The following NOD2 variants were observed in gnomAD, a reference collection of about 807,000 sequenced individuals.
NOD2 encodes nucleotide binding oligomerization domain containing 2, also known as nucleotide-binding oligomerization domain-containing protein 2.
NOD2 carries 86 observed loss-of-function variants against 90.9 expected under a neutral mutation model. The observed-to-expected ratio is 0.95, with a 90% CI of 0.79 to 1.13. The LOEUF (loss-of-function observed/expected upper bound fraction) is 1.13. NOD2 is among the 50% of genes most tolerant of loss of function. The pLI, the probability that NOD2 is intolerant of heterozygous loss-of-function variation, is 0.00. For missense variants in NOD2, 1,238 were observed against 1,283.8 expected (o/e 0.96, Z 0.55); for synonymous variants, 581 against 554.6 (o/e 1.05, Z -0.67).
chr16:50,723,040 G>T (rs1424585962), intron 8 of NOD2, among the ~76,000 whole-genome samples: 11 of 148,582 alleles, frequency 7.4e-5, no homozygotes, highest in Non-Finnish European at 1.5e-4. Context: ...CTGCACCTGG[G>T]CTTAAAGAAG....
At chr16:50,721,660 T>C (rs1175762768) in intron 7 of NOD2, among the ~76,000 whole-genome samples, 1 of 152,014 alleles carries the variant, frequency 6.6e-6, no homozygotes, top group Non-Finnish European at 1.5e-5. Context: ...GCCTGGCCGA[T>C]ATTTTTATGT....
chr16:50,730,438 G>T (rs1368228701), intron 11 of NOD2, among the ~76,000 whole-genome samples: 1 of 152,220 alleles, frequency 6.6e-6, no homozygotes, highest in Non-Finnish European at 1.5e-5. Flanking sequence ...GCTGGGTCCA[G>T]TGTTGTAGAC....
rs104895441 is a variant in NOD2, at chr16:50,712,131, C to A, written c.2139C>A (p.Ile713=). The part of the protein sequence containing the change: ...AKSVHAMPGF[I]WLIRSLYEMQ... Reference sequence around the variant, plus strand: ...GCGTGCATGCCATGCCCGGGTTCATCTGGCTCATCCGGAGCCTGTACGAGA... The same window carrying A: ...GCGTGCATGCCATGCCCGGGTTCATATGGCTCATCCGGAGCCTGTACGAGA... The change falls in exon 4 of 12, where the codon ATC becomes ATA. Residue 713 remains isoleucine (I), a synonymous_variant. Coordinates refer to ENST00000647318, the MANE Select transcript of NOD2 (RefSeq NM_001370466.1). 8 of 1,613,984 alleles carry A rather than the reference C, an allele frequency of 5.0e-6. No homozygotes were observed. In the African/African-American group the frequency reaches 6.7e-5, roughly 13 times the overall value.
rs1170751141 is a variant in NOD2 at position 50,707,944 on chromosome 16, G to C, written c.549G>C (p.Leu183Phe). 1.2e-6 allele frequency: 2 copies of C among 1,612,448 alleles called. No homozygotes were observed. Among genetic ancestry groups the C allele is most frequent in the Non-Finnish European group, 8.5e-7 (1 of 1,178,510 alleles). The change falls in exon 3 of 12, where the codon TTG (leucine) becomes TTC (phenylalanine). Residue 183 changes from leucine to phenylalanine, a missense_variant. Leu to Phe is a conservative substitution (Grantham distance 22). This residue lies in a region of NOD2 where 567 missense variants were observed against 577.3 expected (regional missense o/e 0.98). Transcript: ENST00000647318. ...LQHVQELPVPLALPLEAATCK... is the reference protein window; with the variant it reads ...LQHVQELPVPFALPLEAATCK... The stretch of plus-strand genomic sequence containing the variant: ...ATGTTCAGGAATTACCAGTCCCATT[G>C]GCCCTGCCTTTGGAAGGTAGGTGTA...
rs781333877 is a variant in NOD2 at position 50,710,608 on chromosome 16, C to G, written c.616C>G (p.Gln206Glu). The change falls in exon 4 of 12, where the codon CAG becomes GAG. Residue 206 changes from glutamine (Q) to glutamate (E), a missense_variant. Gln to Glu is a conservative substitution (Grantham distance 29, BLOSUM62 2). This residue lies in a region of NOD2 where 567 missense variants were observed against 577.3 expected (regional missense o/e 0.98). Transcript: ENST00000647318. Reference sequence around the variant, plus strand: ...CAAGCTGAGGACCACGGTGTCTGCTCAGTCTCGCTTCCTCAGTACCTATGA... The same window carrying G: ...CAAGCTGAGGACCACGGTGTCTGCTGAGTCTCGCTTCCTCAGTACCTATGA... Reference protein sequence around the residue: ...MAKLRTTVSAQSRFLSTYDGA... With the variant: ...MAKLRTTVSAESRFLSTYDGA... 6.2e-7 allele frequency: 1 copy of G among 1,614,216 alleles called. No individual in the cohort carries two copies. Among genetic ancestry groups the G allele is most frequent in the South Asian group, 1.1e-5 (1 of 91,070 alleles).
Position 50,732,749 on chromosome 16 carries a change from T to C in NOD2, c.*930T>C, listed in dbSNP as rs927451106. 3 of 152,352 alleles carry C rather than the reference T, an allele frequency of 2.0e-5. No homozygotes were observed. The highest frequency in any genetic ancestry group is 4.4e-5 in the Non-Finnish European group (3 of 68,028). 9.4% of individuals were successfully genotyped at this position (152,352 alleles called of 1,614,324 possible). A position where few individuals can be genotyped will look rare whatever the true frequency, so the allele number is the denominator to read the frequency against. ...GAACTCTGACAACAGACTTCTGAAA[T>C]AGACCCACAAGAGGCAGTTCCATTT... On this transcript the variant is annotated 3_prime_UTR_variant, in exon 12 of 12. Transcript: ENST00000647318.
In NOD2 at chr16:50,711,286, C is replaced by T. The variant is rs765857594; in HGVS notation, c.1294C>T (p.Arg432Cys). 5.9e-5 allele frequency: 96 copies of T among 1,613,610 alleles called. No homozygotes were observed. The highest frequency in any genetic ancestry group is 4.1e-4 in the South Asian group (37 of 91,094). ...EQGIELYLRK[R>C]HHEPGVADRL... ...GGGCATCGAGCTGTACCTGAGGAAG[C>T]GCCATCATGAGCCCGGGGTGGCGGA... Residue 432 changes from arginine (R) to cysteine (C), a missense_variant, in exon 4 of 12, where the codon CGC becomes TGC. Transcript: ENST00000647318.
Position 50,711,289 on chromosome 16 carries a change from C to A in NOD2, c.1297C>A (p.His433Asn). Residue 433 changes from histidine to asparagine, a missense_variant, in exon 4 of 12, where the codon CAT becomes AAT. By Grantham distance (68) the His-to-Asn change is moderately conservative (BLOSUM62 1). Transcript: ENST00000647318. ...QGIELYLRKRHHEPGVADRLI... is the reference protein window; with the variant it reads ...QGIELYLRKRNHEPGVADRLI... ...CATCGAGCTGTACCTGAGGAAGCGCCATCATGAGCCCGGGGTGGCGGACCG... is the reference window on the plus strand; with the variant it reads ...CATCGAGCTGTACCTGAGGAAGCGCAATCATGAGCCCGGGGTGGCGGACCG... The A allele has an allele frequency of 6.2e-7, 1 of 1,613,746 alleles. No individual in the cohort carries two copies. The highest frequency in any genetic ancestry group is 8.5e-7 in the Non-Finnish European group (1 of 1,180,038).
chr16:50,714,990 G>C (rs1350121802), intron 4 of NOD2, among the ~76,000 whole-genome samples: 1 of 152,142 alleles, frequency 6.6e-6, no homozygotes, highest in Non-Finnish European at 1.5e-5. Context: ...CTTCTGTTCT[G>C]TTCTATTTCC....
intron 6 of NOD2, among the ~76,000 whole-genome samples, chr16:50,718,315 A>T (rs1964888721): frequency 6.6e-6 from 1 of 152,212 alleles, no homozygotes; most frequent in South Asian, 2.1e-4. Context: ...CGGCAGCTGG[A>T]TGTCAGGAGC....
chr16:50,699,272 G>T (rs1484008958), intron 1 of NOD2, among the ~76,000 whole-genome samples: 1 of 152,050 alleles, frequency 6.6e-6, no homozygotes, highest in African/African-American at 2.4e-5. Context: ...TTTAATTCTT[G>T]GTTGCTTCAA....
Position 50,716,649 on chromosome 16 carries a change from G to A in NOD2, c.2444G>A (p.Cys815Tyr), listed in dbSNP as rs754471017. Reference protein sequence around the residue: ...ICKLIECALHCEQLQKLALFN... With the variant: ...ICKLIECALHYEQLQKLALFN... ...AAGCTCATTGAATGTGCTCTTCACT[G>A]CGAGCAATTGCAGAAGTTAGCGTAA... The change falls in exon 5 of 12, where the codon TGC becomes TAC. Residue 815 changes from cysteine to tyrosine, a missense_variant. Transcript: ENST00000647318. 32 of 1,614,042 alleles carry A rather than the reference G, an allele frequency of 2.0e-5. No homozygotes were observed. The highest frequency in any genetic ancestry group is 2.7e-5 in the Non-Finnish European group (32 of 1,180,012).
intron 3 of NOD2, among the ~76,000 whole-genome samples, chr16:50,709,569 TG>T (rs1355644634): frequency 2.0e-5 from 3 of 152,110 alleles, no homozygotes; most frequent in African/African-American, 7.2e-5. Flanking sequence ...ATGGGGTGCA[TG>T]GGGAGGATGG....
intron 10 of NOD2, chr16:50,727,737 T>C (rs926656032): frequency 1.4e-5 from 5 of 353,816 alleles, no homozygotes; most frequent in Middle Eastern, 9.6e-4. Context: ...TCGTGGAGAA[T>C]TGGACCCTTT....
At chr16:50,694,495 G>A (rs1010143566) in intron 1 of NOD2, among the ~76,000 whole-genome samples, 8 of 152,238 alleles carry the variant, frequency 5.3e-5, no homozygotes, top group African/African-American at 1.4e-4. Flanking sequence ...CCTTTGCCTC[G>A]CTGCACCCTG....
rs576834532 is a variant in NOD2 at position 50,723,300 on chromosome 16, G to C, written c.2718-1G>C. 6.2e-7 allele frequency: 1 copy of C among 1,613,742 alleles called. No individual in the cohort carries two copies. Among genetic ancestry groups the C allele is most frequent in the East Asian group, 2.2e-5 (1 of 44,858 alleles). ...TACTTTTGTTCCATGATTACCTCCA[G>C]CCTGGTGGGGAACAACATTGGCAGT... On this transcript the variant is annotated splice_acceptor_variant, in intron 8 of 11. Coordinates refer to ENST00000647318, the MANE Select transcript of NOD2 (RefSeq NM_001370466.1). LOFTEE classifies it high-confidence loss of function.
At chr16:50,716,763 G>A in intron 5 of NOD2, 93 bp downstream of exon 5, 3 of 1,489,868 alleles carry the variant, frequency 2.0e-6, no homozygotes, top group Non-Finnish European at 2.8e-6. Flanking sequence ...ATGGGCTGGG[G>A]CAGGGGCTGT....
At chr16:50,730,649 C>T (rs1273137956) in intron 11 of NOD2, among the ~76,000 whole-genome samples, 1 of 152,158 alleles carries the variant, frequency 6.6e-6, no homozygotes, top group East Asian at 1.9e-4. Flanking sequence ...AGGGTTTTCT[C>T]AAAAGAGCTG....
chr16:50,709,379 T>C (rs1397185798), intron 3 of NOD2, among the ~76,000 whole-genome samples: 1 of 152,132 alleles, frequency 6.6e-6, no homozygotes, highest in Non-Finnish European at 1.5e-5. Flanking sequence ...AGTGAGGCTG[T>C]GATGGCGGGG....
Sources: allele counts gnomAD v4.1 joint callset (sites outside exome capture counted in the v4.1 genomes callset), GRCh38; gene constraint gnomAD v4.1.1; regional missense constraint gnomAD v4.1.1; transcripts MANE v1.5; gene names NCBI Gene and HGNC (gene_info 2026-07-23, HGNC 2026-07-21).